The following MSI2 variants were observed in gnomAD, a reference collection of about 807,000 sequenced individuals.
MSI2 encodes the protein musashi RNA binding protein 2.
MSI2 carries 17 observed loss-of-function variants against 45.6 expected under a neutral mutation model. The ratio of observed to expected loss-of-function variants is 0.37; its 90% confidence interval spans 0.26 to 0.56. The LOEUF (loss-of-function observed/expected upper bound fraction) is 0.56. MSI2 is among the 20% of genes least tolerant of loss of function. The probability of loss-of-function intolerance (pLI) is 0.77; values close to 1 mark genes in which losing one functional copy is unlikely to be tolerated. For synonymous variants in MSI2, 156 were observed against 158.2 expected, an observed-to-expected ratio of 0.99 and a Z score of 0.11; for missense variants, 293 against 444.2, an observed-to-expected ratio of 0.66 and a Z score of 3.06.
intron 6 of MSI2, among the ~76,000 whole-genome samples, chr17:57,431,645 G>A (rs903014846): frequency 6.6e-6 from 1 of 152,184 alleles, no homozygotes; most frequent in Non-Finnish European, 1.5e-5. Flanking sequence ...GGAGCTGTTT[G>A]TCCAAGATCA....
At chr17:57,619,236 C>T (rs917970611) in intron 9 of MSI2, among the ~76,000 whole-genome samples, 1 of 152,206 alleles carries the variant, frequency 6.6e-6, no homozygotes, top group Non-Finnish European at 1.5e-5. Flanking sequence ...CATGGGAACA[C>T]AGGTAGGGAG....
At chr17:57,424,595 G>C (rs189119707) in intron 6 of MSI2, among the ~76,000 whole-genome samples, 3 of 152,308 alleles carry the variant, frequency 2.0e-5, no homozygotes, top group East Asian at 1.9e-4. Context: ...AGGCTTGGGA[G>C]CCATTAACAC....
chr17:57,433,481 C>G (rs746963943), intron 6 of MSI2, among the ~76,000 whole-genome samples: 1 of 152,142 alleles, frequency 6.6e-6, no homozygotes, highest in African/African-American at 2.4e-5. Context: ...AAGGCAGGAG[C>G]AAGGCATGGG....
intron 6 of MSI2, among the ~76,000 whole-genome samples, chr17:57,493,487 C>T (rs2085916382): frequency 4.6e-5 from 7 of 151,914 alleles, no homozygotes; most frequent in Admixed American, 4.6e-4. Context: ...AGTCAATGAA[C>T]ACTTGCCATG....
At chr17:57,643,426 G>C (rs1910404748) in intron 10 of MSI2, among the ~76,000 whole-genome samples, 1 of 152,272 alleles carries the variant, frequency 6.6e-6, no homozygotes, top group African/African-American at 2.4e-5. Context: ...TGGGCAGGCA[G>C]GGAGAGGTCT....
At chr17:57,430,251 TG>T (rs1192494863) in intron 6 of MSI2, among the ~76,000 whole-genome samples, 2 of 152,238 alleles carry the variant, frequency 1.3e-5, no homozygotes, top group Non-Finnish European at 2.9e-5. Context: ...ACCATTGTTT[TG>T]CTGCACAGTA....
At chr17:57,579,538 C>T (rs2088145254) in intron 7 of MSI2, among the ~76,000 whole-genome samples, 2 of 152,200 alleles carry the variant, frequency 1.3e-5, no homozygotes, top group African/African-American at 4.8e-5. Context: ...ACCCCTCTCC[C>T]CTAGACAGTC....
chr17:57,631,938 T>C lies in MSI2; in HGVS notation c.727+4635T>C, dbSNP rs929591790. ...CTCCAGTCAATGCTCACTGAAAGTC[T>C]GTCTTAGCTGCCTGTTTGAATGACT... On this transcript the variant is annotated intron_variant, in intron 10 of 13. Coordinates refer to ENST00000284073, the MANE Select transcript of MSI2 (RefSeq NM_138962.4). The C allele has an allele frequency of 4.9e-5, 74 of 1,508,842 alleles. No individual in the cohort carries two copies. In the African/African-American group the frequency reaches 9.2e-4, roughly 19 times the overall value. The allele number at this position is 1,508,842 out of a possible 1,614,324, so 93.5% of individuals were successfully genotyped here. A position where few individuals can be genotyped will look rare whatever the true frequency, so the allele number is the denominator to read the frequency against.
chr17:57,490,091 G>A (rs2085839645), intron 6 of MSI2, among the ~76,000 whole-genome samples: 2 of 152,254 alleles, frequency 1.3e-5, no homozygotes, highest in African/African-American at 4.8e-5. Flanking sequence ...CTCTCCCAGG[G>A]CAAGCTCTTT....
intron 5 of MSI2, among the ~76,000 whole-genome samples, chr17:57,351,639 T>C (rs774723969): frequency 6.6e-6 from 1 of 152,200 alleles, no homozygotes; most frequent in African/African-American, 2.4e-5. Flanking sequence ...GTGGATCATC[T>C]GAGGTCAGGA....
At chr17:57,411,462 G>T (rs7211987) in intron 6 of MSI2, among the ~76,000 whole-genome samples, 107,493 of 152,080 alleles carry the variant, frequency 0.71, 38,686 homozygotes, top group South Asian at 0.88. Flanking sequence ...AACCGTTCAT[G>T]TATCTTTTAC....
At position 57,682,947 on chromosome 17, in the gene MSI2, C is replaced by T. The variant is rs1437113559; in HGVS notation, c.*3430C>T. 2 of 228,228 alleles carry T rather than the reference C, an allele frequency of 8.8e-6. No homozygotes were observed. The highest frequency in any genetic ancestry group is 1.7e-5 in the Non-Finnish European group (2 of 115,038). The allele number at this position is 228,228 out of a possible 1,614,324, so 14.1% of individuals were successfully genotyped here. A position where few individuals can be genotyped will look rare whatever the true frequency, so the allele number is the denominator to read the frequency against. On this transcript the variant is annotated 3_prime_UTR_variant, in exon 14 of 14. Coordinates refer to ENST00000284073, the MANE Select transcript of MSI2 (RefSeq NM_138962.4). ...GGAGATGACCAAGCCTTGGTCTGCT[C>T]TCTAGCAGCTTCCACAGACTTGGCT... is the stretch of plus-strand genomic sequence containing the variant.
At chr17:57,612,606 T>A (rs1183576181) in intron 8 of MSI2, among the ~76,000 whole-genome samples, 1 of 152,156 alleles carries the variant, frequency 6.6e-6, no homozygotes, top group African/African-American at 2.4e-5. Context: ...CAGACAGTCA[T>A]TGCTGCCCAA....
intron 7 of MSI2, among the ~76,000 whole-genome samples, chr17:57,563,355 A>C (rs568187116): frequency 6.6e-6 from 1 of 152,120 alleles, no homozygotes; most frequent in East Asian, 1.9e-4. Flanking sequence ...TCCTGTGGAA[A>C]GTTCTGTTTC....
At chr17:57,348,785 C>T (rs1182121475) in intron 5 of MSI2, among the ~76,000 whole-genome samples, 1 of 152,144 alleles carries the variant, frequency 6.6e-6, no homozygotes, top group Non-Finnish European at 1.5e-5. Context: ...ATGGACTAAC[C>T]CAATGACCTA....
chr17:57,639,107 C>T (rs1910055111), intron 10 of MSI2, among the ~76,000 whole-genome samples: 2 of 152,116 alleles, frequency 1.3e-5, no homozygotes, highest in African/African-American at 4.8e-5. Flanking sequence ...CATGAGGACT[C>T]CACCCTCATG....
intron 6 of MSI2, among the ~76,000 whole-genome samples, chr17:57,409,249 A>G (rs1233216883): frequency 1.3e-5 from 2 of 152,222 alleles, no homozygotes; most frequent in Non-Finnish European, 2.9e-5. Context: ...GATATTTAAT[A>G]GCTTTTAGCT....
intron 7 of MSI2, among the ~76,000 whole-genome samples, chr17:57,592,493 T>C (rs1203589019): frequency 1.3e-5 from 2 of 152,236 alleles, no homozygotes; most frequent in African/African-American, 4.8e-5. Context: ...AATAAATAAA[T>C]ATTTTAGACA....
At chr17:57,545,778 T>C (rs1204230761) in intron 7 of MSI2, among the ~76,000 whole-genome samples, 1 of 152,094 alleles carries the variant, frequency 6.6e-6, no homozygotes, top group African/African-American at 2.4e-5. Flanking sequence ...AGAACATAAG[T>C]CTGAATGTTA....
Sources: gnomAD v4.1 joint callset for allele counts (sites outside exome capture counted in the v4.1 genomes callset) on GRCh38, gnomAD v4.1.1 for gene constraint, MANE v1.5 for transcripts, NCBI Gene and HGNC (gene_info 2026-07-23, HGNC 2026-07-21) for gene names.